The following MTSS2 variants were observed in gnomAD, a reference collection of about 807,000 sequenced individuals.
MTSS2 encodes the protein protein MTSS 2.
MTSS2 carries 27 observed loss-of-function variants against 67.1 expected under a neutral mutation model. That is an observed-to-expected ratio of 0.40 (90% CI 0.30 to 0.55). MTSS2 has a LOEUF of 0.55. MTSS2 is among the 20% of genes least tolerant of loss of function. The probability of loss-of-function intolerance (pLI) is 0.43; values close to 1 mark genes in which losing one functional copy is unlikely to be tolerated. For missense variants in MTSS2, 1,171 were observed against 1,067.8 expected (o/e 1.10, Z -1.35); for synonymous variants, 624 against 468.6 (o/e 1.33, Z -4.28).
chr16:70,681,409 C>T (rs959942125), intron 1 of MTSS2, among the ~76,000 whole-genome samples: 2 of 152,238 alleles, frequency 1.3e-5, no homozygotes, highest in African/African-American at 4.8e-5. Context: ...GGCATCGTGT[C>T]TCCCGGACAT....
chr16:70,679,002 T>G (rs2053210468), intron 7 of MTSS2, among the ~76,000 whole-genome samples: 1 of 151,858 alleles, frequency 6.6e-6, no homozygotes, highest in Admixed American at 6.6e-5. Context: ...AGATGGCAGG[T>G]GAGGAGGTGA....
rs1158581364 is a variant in MTSS2, at chr16:70,664,612, G to T, written c.1457C>A (p.Thr486Asn). Residue 486 changes from threonine to asparagine, a missense_variant, in exon 14 of 15, where the codon ACC (threonine) becomes AAC (asparagine). By Grantham distance (65) the Thr-to-Asn change is moderately conservative. Transcript: ENST00000338779. ...CGCGGGCCTGCCTTGGGAGGGGATG[G>T]TGTCCTCAGAGCAGGAGGGCGTGGT... ...QTTTPSCSED[T>N]IPSQGSDYDC... 1 of 1,612,700 alleles carries T rather than the reference G, an allele frequency of 6.2e-7. No individual in the cohort carries two copies. The highest frequency in any genetic ancestry group is 2.2e-5 in the East Asian group (1 of 44,856).
Position 70,680,060 on chromosome 16 carries a change from C to T in MTSS2, c.206-5G>A, listed in dbSNP as rs767440578. On this transcript the variant is annotated splice_polypyrimidine_tract_variant and splice_region_variant and intron_variant, in intron 3 of 14. Transcript: ENST00000338779. The stretch of plus-strand genomic sequence containing the variant: ...AGCCGATGTCCCTCGTGGCCCCTGG[C>T]GAGGCAAGCGCGGGGTGGGAAGGGG... The T allele has an allele frequency of 1.4e-5, 21 of 1,510,886 alleles. No individual in the cohort carries two copies. In the East Asian group the frequency reaches 5.1e-4, roughly 37 times the overall value. 93.6% of individuals were successfully genotyped at this position (1,510,886 alleles called of 1,614,324 possible). A position where few individuals can be genotyped will look rare whatever the true frequency, so the allele number is the denominator to read the frequency against.
Position 70,679,339 on chromosome 16 carries a change from GGGAGGAGA to G in MTSS2, c.458-24_458-17del, listed in dbSNP as rs748925109. 1.2e-6 allele frequency: 2 copies of G among 1,613,662 alleles called. No homozygotes were observed. The highest frequency in any genetic ancestry group is 1.3e-5 in the African/African-American group (1 of 74,932). ...CCAAGTAGCTCTACAGGAAGGATGT[GGGAGGAGA>G]GGAGGAGAGACAGAGAAAGAAAGAA... On this transcript the variant is annotated splice_polypyrimidine_tract_variant and intron_variant, in intron 6 of 14. Transcript: ENST00000338779.
chr16:70,671,952 C>A (rs775635551), intron 11 of MTSS2, among the ~76,000 whole-genome samples: 4 of 152,146 alleles, frequency 2.6e-5, no homozygotes, highest in African/African-American at 9.7e-5. Context: ...AACATCTGAC[C>A]GATATTCTTC....
Position 70,663,536 on chromosome 16 carries a change from G to A in MTSS2, c.*141C>T. 2 of 1,373,308 alleles carry A rather than the reference G, an allele frequency of 1.5e-6. No individual in the cohort carries two copies. The highest frequency in any genetic ancestry group is 1.9e-6 in the Non-Finnish European group (2 of 1,047,286). The allele number at this position is 1,373,308 out of a possible 1,614,324, so 85.1% of individuals were successfully genotyped here. A position where few individuals can be genotyped will look rare whatever the true frequency, so the allele number is the denominator to read the frequency against. ...TGTTTAAATGCTGGAATCCAAGTGAGGTGTCTTTCCATAAAGTGGCATGGC... is the reference window on the plus strand; with the variant it reads ...TGTTTAAATGCTGGAATCCAAGTGAAGTGTCTTTCCATAAAGTGGCATGGC... On this transcript the variant is annotated 3_prime_UTR_variant, in exon 15 of 15. Transcript: ENST00000338779.
chr16:70,680,674 C>T, intron 3 of MTSS2, 120 bp downstream of exon 3: 1 of 856,556 alleles, frequency 1.2e-6, no homozygotes. Context: ...CACTAAGGAG[C>T]AGAACTCAAG....
intron 6 of MTSS2, 67 bp downstream of exon 6, chr16:70,679,563 C>G: frequency 6.7e-7 from 1 of 1,494,376 alleles, no homozygotes; most frequent in East Asian, 2.4e-5. Context: ...TTGGGGCGCC[C>G]CACGGGGCGG....
chr16:70,679,150 G>C lies in MTSS2; in HGVS notation c.466+165C>G, dbSNP rs377248482. Among the ~76,000 whole-genome samples the C allele has an allele frequency of 2.6e-4, 40 of 152,152 alleles. No homozygotes were observed. In the East Asian group the frequency reaches 6.6e-3, roughly 25 times the overall value. On this transcript the variant is annotated intron_variant, in intron 7 of 14. Transcript: ENST00000338779. ...GACTCATCCCTGGCCAGGGACCCCG[G>C]GGGCCCCAGGGGGACTGTGCCCCAG...
At chr16:70,679,276 G>A (rs1374563656) in intron 7 of MTSS2, 39 bp downstream of exon 7, 3 of 1,612,604 alleles carry the variant, frequency 1.9e-6, no homozygotes, top group Admixed American at 1.7e-5. Context: ...ATGCGACAAG[G>A]ACGGGAGGAG....
chr16:70,669,812 G>GAACACCT (rs1430976987), intron 11 of MTSS2, among the ~76,000 whole-genome samples: 4 of 100,984 alleles, frequency 4.0e-5, no homozygotes, highest in Non-Finnish European at 8.5e-5. Context: ...GTGAGACTCT[G>GAACACCT]TCTCATAAAA....
chr16:70,664,697 C>G lies in MTSS2; in HGVS notation c.1372G>C (p.Glu458Gln). 6.2e-7 allele frequency: 1 copy of G among 1,613,304 alleles called. No homozygotes were observed. Among genetic ancestry groups the G allele is most frequent in the Non-Finnish European group, 8.5e-7 (1 of 1,179,852 alleles). The change falls in exon 14 of 15, where the codon GAG becomes CAG. Residue 458 changes from glutamate (E) to glutamine (Q), a missense_variant. Physicochemically the swap from Glu to Gln is conservative, Grantham distance 29. Around this residue, in one of 2 missense-constraint regions of MTSS2, gnomAD observed 924 missense variants for 756.0 expected, o/e 1.22. Transcript: ENST00000338779. ...GAGTCCCGGCTGCTCTTCTGGTGCT[C>G]CAGGCTCAGGCCCCGCGTCAGCACC... ...AMVLTRGLSL[E>Q]HQKSSRDSLQ...
chr16:70,679,726 C>A (rs2142894147), intron 5 of MTSS2, 22 bp from the exon 6 acceptor site: 1 of 1,610,270 alleles, frequency 6.2e-7, no homozygotes, highest in East Asian at 2.2e-5. Context: ...GAGAGCGGAG[C>A]GCTCTAATGG....
At chr16:70,671,454 T>C (rs192154346) in intron 11 of MTSS2, among the ~76,000 whole-genome samples, 9 of 150,936 alleles carry the variant, frequency 6.0e-5, no homozygotes, top group East Asian at 3.9e-4. Context: ...TTATAACCCA[T>C]AGAATAAAAG....
chr16:70,683,300 C>A (rs979072732), intron 1 of MTSS2, among the ~76,000 whole-genome samples: 4 of 152,186 alleles, frequency 2.6e-5, no homozygotes, highest in African/African-American at 9.7e-5. Flanking sequence ...GAGCACCTGC[C>A]CCACTGGGTC....
At position 70,664,163 on chromosome 16, in the gene MTSS2, G is replaced by C. The variant is rs772838081; in HGVS notation, c.1758C>G (p.Ile586Met). Residue 586 changes from isoleucine to methionine, a missense_variant, in exon 15 of 15, where the codon ATC becomes ATG. By Grantham distance (10) the Ile-to-Met change is conservative. Around this residue, in one of 2 missense-constraint regions of MTSS2, gnomAD observed 924 missense variants for 756.0 expected, o/e 1.22. Coordinates refer to ENST00000338779, the MANE Select transcript of MTSS2 (RefSeq NM_138383.3). Reference sequence around the variant, plus strand: ...TCTTCACAGGGACGATGGGCGGCCGGATGGGGATGGGGCCAGCGCTGGACA... The same window carrying C: ...TCTTCACAGGGACGATGGGCGGCCGCATGGGGATGGGGCCAGCGCTGGACA... ...RALSSAGPIPIRPPIVPVKTP... is the reference protein window; with the variant it reads ...RALSSAGPIPMRPPIVPVKTP... 1 of 1,606,382 alleles carries C rather than the reference G, an allele frequency of 6.2e-7. No homozygotes were observed. Among genetic ancestry groups the C allele is most frequent in the Non-Finnish European group, 8.5e-7 (1 of 1,179,462 alleles).
At position 70,663,475 on chromosome 16, in the gene MTSS2, C is replaced by A; in HGVS notation, c.*202G>T. ...CCCGAACCAGGCCCAGGCCTGCAGG[C>A]TCCGTCCTGGCCAGGCTTGCTAAGA... On this transcript the variant is annotated 3_prime_UTR_variant, in exon 15 of 15. Transcript: ENST00000338779. 3.0e-6 allele frequency: 3 copies of A among 1,010,180 alleles called. No individual in the cohort carries two copies. The highest frequency in any genetic ancestry group is 1.7e-5 in the African/African-American group (1 of 60,044). 62.6% of individuals were successfully genotyped at this position (1,010,180 alleles called of 1,614,324 possible).
chr16:70,680,346 T>G (rs777495009), intron 3 of MTSS2, among the ~76,000 whole-genome samples: 3 of 152,066 alleles, frequency 2.0e-5, no homozygotes, highest in African/African-American at 4.8e-5. Context: ...ACCCTCCAGG[T>G]GTGCCCAGAT....
chr16:70,663,703 C>A lies in MTSS2; in HGVS notation c.2218G>T (p.Asp740Tyr). 1.3e-6 allele frequency: 2 copies of A among 1,588,906 alleles called. No individual in the cohort carries two copies. Among genetic ancestry groups the A allele is most frequent in the South Asian group, 1.1e-5 (1 of 87,742 alleles). Residue 740 changes from aspartate (D) to tyrosine (Y), a missense_variant, in exon 15 of 15, where the codon GAC becomes TAC. Physicochemically the swap from Asp to Tyr is radical, Grantham distance 160 (BLOSUM62 -3). Coordinates refer to ENST00000338779, the MANE Select transcript of MTSS2 (RefSeq NM_138383.3). ...CATAAGATGCGGGGCGCCGACCTGT[C>A]GTTGGTGACGGTCCTGCGGAGCCGG... is the stretch of plus-strand genomic sequence containing the variant. ...GVRLRRTVTNDRSAPRIL is the reference protein window; with the variant it reads ...GVRLRRTVTNYRSAPRIL
Sources: allele counts gnomAD v4.1 joint callset (sites outside exome capture counted in the v4.1 genomes callset), GRCh38; gene constraint gnomAD v4.1.1; regional missense constraint gnomAD v4.1.1; transcripts MANE v1.5; gene names NCBI Gene and HGNC (gene_info 2026-07-23, HGNC 2026-07-21).